ZMYM4: variants seen among roughly 807,000 people sequenced by gnomAD.
ZMYM4 encodes zinc finger MYM-type containing 4.
Under a neutral mutation model 183.2 loss-of-function variants are expected in ZMYM4, and 31 were observed. That is an observed-to-expected ratio of 0.17 (90% CI 0.13 to 0.23). The LOEUF is 0.23. Ranked by LOEUF, ZMYM4 falls within the 10% of genes least tolerant of loss-of-function variation. The pLI, the probability that ZMYM4 is intolerant of heterozygous loss-of-function variation, is 1.00. For synonymous variants in ZMYM4, 592 were observed against 631.2 expected, an observed-to-expected ratio of 0.94 and a Z score of 0.93; for missense variants, 1,273 against 1,840.3, an observed-to-expected ratio of 0.69 and a Z score of 5.64.
chr1:35,279,417 G>C (rs375029191), intron 1 of ZMYM4, among the ~76,000 whole-genome samples: 1 of 152,004 alleles, frequency 6.6e-6, no homozygotes, highest in Non-Finnish European at 1.5e-5. Flanking sequence ...TCCATTCCTC[G>C]TTTCTGTTGA....
At chr1:35,343,798 A>C (rs938366246) in intron 2 of ZMYM4, among the ~76,000 whole-genome samples, 11 of 151,576 alleles carry the variant, frequency 7.3e-5, no homozygotes, top group Admixed American at 5.3e-4. Flanking sequence ...CGGGAGGCGG[A>C]GGTTGCAGTG....
Position 35,359,066 on chromosome 1 carries a change from C to T in ZMYM4, c.227C>T (p.Ser76Phe). The change falls in exon 3 of 30, where the codon TCT (serine) becomes TTT (phenylalanine). Residue 76 changes from serine to phenylalanine, a missense_variant. Transcript: ENST00000314607. ...LLDEDDYFLN[S>F]GDLAGIPVVG... ...GATGAAGATGATTATTTTTTGAACT[C>T]TGGGGATCTTGCAGGAATTCCAGTC... The T allele has an allele frequency of 6.2e-7, 1 of 1,613,700 alleles. No individual in the cohort carries two copies. The highest frequency in any genetic ancestry group is 8.5e-7 in the Non-Finnish European group (1 of 1,179,714).
chr1:35,279,255 A>T (rs942436896), intron 1 of ZMYM4, among the ~76,000 whole-genome samples: 1 of 152,202 alleles, frequency 6.6e-6, no homozygotes, highest in African/African-American at 2.4e-5. Context: ...ACTTTAAAAA[A>T]TTTTGTCCCA....
At chr1:35,378,966 C>A (rs1644392917) in intron 7 of ZMYM4, among the ~76,000 whole-genome samples, 1 of 152,208 alleles carries the variant, frequency 6.6e-6, no homozygotes, top group African/African-American at 2.4e-5. Flanking sequence ...TTACCTGAGT[C>A]TTCCTAGAAT....
At position 35,387,151 on chromosome 1, in the gene ZMYM4, C is replaced by CT; in HGVS notation, c.1986dup (p.Ala663CysfsTer29). The CT allele has an allele frequency of 6.2e-7, 1 of 1,614,246 alleles. No individual in the cohort carries two copies. Among genetic ancestry groups the CT allele is most frequent in the Non-Finnish European group, 8.5e-7 (1 of 1,180,042 alleles). ...TCTCCCACCTCCATCAGTAGCTCTG[C>CT]TGCAGCTGGTCTCCAGCGTCTCGCT... On this transcript the variant is annotated frameshift_variant, in exon 12 of 30. Transcript: ENST00000314607. LOFTEE classifies it high-confidence loss of function.
chr1:35,279,018 T>C (rs1215315892), intron 1 of ZMYM4, among the ~76,000 whole-genome samples: 3 of 152,172 alleles, frequency 2.0e-5, no homozygotes, highest in Non-Finnish European at 4.4e-5. Context: ...GACAAATTTC[T>C]CTAGGTTTCA....
At chr1:35,292,702 G>T (rs377187220) in intron 1 of ZMYM4, among the ~76,000 whole-genome samples, 2 of 152,112 alleles carry the variant, frequency 1.3e-5, no homozygotes, top group East Asian at 1.9e-4. Context: ...GTTTCACCAC[G>T]TTAGCCAGGC....
At chr1:35,317,742 A>G (rs1642111268) in intron 1 of ZMYM4, among the ~76,000 whole-genome samples, 1 of 152,154 alleles carries the variant, frequency 6.6e-6, no homozygotes. Flanking sequence ...AATTGTGATC[A>G]TCAGCTATTT....
intron 7 of ZMYM4, among the ~76,000 whole-genome samples, chr1:35,378,755 G>C (rs1284841438): frequency 6.6e-6 from 1 of 152,158 alleles, no homozygotes; most frequent in Non-Finnish European, 1.5e-5. Flanking sequence ...TTTTTCAATA[G>C]AAGACTGTTT....
intron 1 of ZMYM4, among the ~76,000 whole-genome samples, chr1:35,308,258 C>T (rs1407327226): frequency 3.9e-5 from 6 of 152,184 alleles, no homozygotes; most frequent in Non-Finnish European, 5.9e-5. Context: ...TCCCAAAGTG[C>T]TGGGATTACA....
intron 7 of ZMYM4, among the ~76,000 whole-genome samples, chr1:35,378,512 C>T (rs1270479200): frequency 6.6e-6 from 1 of 152,156 alleles, no homozygotes; most frequent in Non-Finnish European, 1.5e-5. Flanking sequence ...TAACATTAAC[C>T]TCTTGTACAT....
chr1:35,309,014 G>C (rs12122296), intron 1 of ZMYM4: 93,651 of 984,996 alleles, frequency 0.095, 4,663 homozygotes, highest in Middle Eastern at 0.13. Context: ...GACAGAAAAT[G>C]GAAGACATGT....
At chr1:35,291,283 C>T (rs1423698150) in intron 1 of ZMYM4, among the ~76,000 whole-genome samples, 1 of 151,842 alleles carries the variant, frequency 6.6e-6, no homozygotes, top group Non-Finnish European at 1.5e-5. Context: ...CTTGTTTTCA[C>T]TTTCTTTTTT....
chr1:35,283,583 C>G (rs1316664981), intron 1 of ZMYM4, among the ~76,000 whole-genome samples: 1 of 151,180 alleles, frequency 6.6e-6, no homozygotes, highest in Non-Finnish European at 1.5e-5. Context: ...GTGAGCCACC[C>G]GCCTCGGCCT....
chr1:35,391,216 G>C (rs1644698364), intron 15 of ZMYM4, among the ~76,000 whole-genome samples: 1 of 152,160 alleles, frequency 6.6e-6, no homozygotes, highest in African/African-American at 2.4e-5. Flanking sequence ...CTGCAAAGAC[G>C]CAGCGGCTTG....
intron 5 of ZMYM4, among the ~76,000 whole-genome samples, chr1:35,367,317 A>G (rs999664583): frequency 3.3e-5 from 5 of 151,170 alleles, no homozygotes; most frequent in African/African-American, 1.2e-4. Context: ...CCCTCCCACC[A>G]CCCTGGGTTC....
At chr1:35,338,423 C>A (rs59524907) in intron 2 of ZMYM4, among the ~76,000 whole-genome samples, 3,190 of 152,244 alleles carry the variant, frequency 0.021, 110 homozygotes, top group African/African-American at 0.073. Context: ...GATGTGAAAC[C>A]TGCTTATACA....
rs951533454 is a variant in ZMYM4 at position 35,421,072 on chromosome 1, A to T, written c.*1395A>T. The T allele has an allele frequency of 1.3e-5, 2 of 152,472 alleles. No individual in the cohort carries two copies. Among genetic ancestry groups the T allele is most frequent in the Admixed American group, 1.3e-4 (2 of 15,286 alleles). The allele number at this position is 152,472 out of a possible 1,614,324, so 9.4% of individuals were successfully genotyped here. On this transcript the variant is annotated 3_prime_UTR_variant, in exon 30 of 30. Transcript: ENST00000314607. ...CTTCAGCTAAGGTTAATTTGACGCTATGATAAAACTGAGAGATGTCAAAAA... is the reference window on the plus strand; with the variant it reads ...CTTCAGCTAAGGTTAATTTGACGCTTTGATAAAACTGAGAGATGTCAAAAA...
At chr1:35,399,267 C>T (rs1644860981) in intron 22 of ZMYM4, among the ~76,000 whole-genome samples, 1 of 151,864 alleles carries the variant, frequency 6.6e-6, no homozygotes, top group Non-Finnish European at 1.5e-5. Context: ...TTAACCTTTC[C>T]CGTAGTAGCT....
Sources: allele counts gnomAD v4.1 joint callset (sites outside exome capture counted in the v4.1 genomes callset), GRCh38; gene constraint gnomAD v4.1.1; transcripts MANE v1.5; gene names NCBI Gene and HGNC (gene_info 2026-07-23, HGNC 2026-07-21).